Variants in COL19A1 observed in about 807,000 individuals in gnomAD.
The protein encoded by COL19A1 is collagen type XIX alpha 1 chain.
COL19A1 carries 159 observed loss-of-function variants against 190.2 expected under a neutral mutation model. That is an observed-to-expected ratio of 0.84 (90% confidence interval 0.73 to 0.95). The LOEUF (loss-of-function observed/expected upper bound fraction) is 0.95. Ranked by LOEUF, COL19A1 falls within the 40% of genes least tolerant of loss-of-function variation. The pLI, the probability that COL19A1 is intolerant of heterozygous loss-of-function variation, is 0.00. For missense variants in COL19A1, 1,418 were observed against 1,431.9 expected (o/e 0.99, Z 0.16); for synonymous variants, 509 against 458.9 (o/e 1.11, Z -1.39).
intron 11 of COL19A1, among the ~76,000 whole-genome samples, chr6:70,017,325 A>G (rs1042113623): frequency 2.6e-5 from 4 of 152,164 alleles, no homozygotes; most frequent in African/African-American, 4.8e-5. Flanking sequence ...TGGGACTACA[A>G]GAGTGAGAAG....
rs995588973 is a variant in COL19A1 at position 70,080,957 on chromosome 6, G to C, written c.1224+12481G>C. 8.5e-4 allele frequency among the ~76,000 whole-genome samples: 129 copies of C among 152,226 alleles called. 2 individuals carry two copies. The highest frequency in any genetic ancestry group is 8.8e-5 in the Non-Finnish European group (6 of 68,006). On this transcript the variant is annotated intron_variant, in intron 15 of 50. Coordinates refer to ENST00000620364, the MANE Select transcript of COL19A1 (RefSeq NM_001858.6). ...TGTGGTGTGTTTCTTTGCAGCTGTT[G>C]CCATAGAAATAAAGACCTTTTCAAA...
chr6:70,210,765 C>T lies in COL19A1; in HGVS notation c.*3491C>T, dbSNP rs1768143112. ...CAGTTTAGTGGACAACTAAATCAGA[C>T]TCTTGCCTTTGCACTTTTTTTTAAC... is the stretch of plus-strand genomic sequence containing the variant. On this transcript the variant is annotated 3_prime_UTR_variant, in exon 51 of 51. Coordinates refer to ENST00000620364, the MANE Select transcript of COL19A1 (RefSeq NM_001858.6). Among the ~76,000 whole-genome samples the T allele has an allele frequency of 6.6e-6, 1 of 152,110 alleles. No homozygotes were observed. Among genetic ancestry groups the T allele is most frequent in the Non-Finnish European group, 1.5e-5 (1 of 67,976 alleles).
intron 39 of COL19A1, 72 bp from the exon 40 acceptor site, chr6:70,168,583 A>G (rs1765309943): frequency 2.7e-6 from 4 of 1,498,222 alleles, no homozygotes; most frequent in South Asian, 1.2e-5. Flanking sequence ...GGCAAATTGG[A>G]CAACAGTGTT....
At chr6:70,060,801 A>G (rs1367712096) in intron 14 of COL19A1, among the ~76,000 whole-genome samples, 1 of 152,148 alleles carries the variant, frequency 6.6e-6, no homozygotes, top group Admixed American at 6.6e-5. Context: ...AAAAAAATAT[A>G]ATGTGCTTGA....
chr6:70,034,654 A>G (rs930807716), intron 13 of COL19A1, among the ~76,000 whole-genome samples: 5 of 152,220 alleles, frequency 3.3e-5, no homozygotes, highest in African/African-American at 1.2e-4. Flanking sequence ...GCTTTTGGAA[A>G]GAAGCTAGTT....
At chr6:70,154,648 C>T (rs906074851) in intron 31 of COL19A1, among the ~76,000 whole-genome samples, 5 of 152,088 alleles carry the variant, frequency 3.3e-5, no homozygotes, top group Admixed American at 6.6e-5. Flanking sequence ...GTCTGCAAGT[C>T]GAAGAGCAAG....
At chr6:69,945,575 C>A (rs962860090) in intron 9 of COL19A1, among the ~76,000 whole-genome samples, 1 of 151,970 alleles carries the variant, frequency 6.6e-6, no homozygotes, top group Non-Finnish European at 1.5e-5. Flanking sequence ...TAATATTATT[C>A]TTTTGACTTC....
At chr6:70,197,564 A>G (rs1375594788) in intron 48 of COL19A1, among the ~76,000 whole-genome samples, 2 of 152,210 alleles carry the variant, frequency 1.3e-5, no homozygotes, top group Admixed American at 6.5e-5. Context: ...TAAAGATATT[A>G]TATGTACATT....
chr6:69,962,889 A>G lies in COL19A1; in HGVS notation c.1026+19A>G, dbSNP rs778889081. On this transcript the variant is annotated intron_variant, in intron 11 of 50. Coordinates refer to ENST00000620364, the MANE Select transcript of COL19A1 (RefSeq NM_001858.6). ...TGAAAAGGTAAATATCTCTTTTTAC[A>G]TTCACATCTGTAAAAAGAAATTGTT... 9 of 1,587,102 alleles carry G rather than the reference A, an allele frequency of 5.7e-6. No homozygotes were observed. The highest frequency in any genetic ancestry group is 7.8e-6 in the Non-Finnish European group (9 of 1,161,246).
intron 15 of COL19A1, among the ~76,000 whole-genome samples, chr6:70,090,034 T>C (rs1474858936): frequency 6.6e-6 from 1 of 152,078 alleles, no homozygotes; most frequent in Non-Finnish European, 1.5e-5. Flanking sequence ...AACAATTTGC[T>C]AAGTATGGTG....
intron 16 of COL19A1, among the ~76,000 whole-genome samples, chr6:70,113,544 C>T (rs1455825484): frequency 1.3e-5 from 2 of 152,158 alleles, no homozygotes; most frequent in African/African-American, 4.8e-5. Flanking sequence ...ATTCCACCTC[C>T]TTTGACTATA....
chr6:70,197,030 A>G (rs187119287), intron 48 of COL19A1, among the ~76,000 whole-genome samples: 2 of 152,298 alleles, frequency 1.3e-5, no homozygotes, highest in Admixed American at 1.3e-4. Context: ...CCACCAAAGT[A>G]CTTCTAAACT....
In COL19A1 at chr6:70,035,904, G is replaced by A. The variant is rs1779328934; in HGVS notation, c.1135G>A (p.Gly379Arg). ...GTAGCTTTTCTTTAATCTATTTTAG[G>A]GAGATACAGGACCCCCAGGACCACC... The part of the protein sequence containing the change: ...HGPPGPKGEK[G>R]DTGPPGPPAL... The change falls in exon 14 of 51, where the codon GGA becomes AGA. Residue 379 changes from glycine to arginine, a missense_variant and splice_region_variant. Coordinates refer to ENST00000620364, the MANE Select transcript of COL19A1 (RefSeq NM_001858.6). 2 of 1,612,802 alleles carry A rather than the reference G, an allele frequency of 1.2e-6. No homozygotes were observed.
chr6:70,077,655 G>C (rs186031007), intron 15 of COL19A1, among the ~76,000 whole-genome samples: 1 of 151,544 alleles, frequency 6.6e-6, no homozygotes, highest in East Asian at 1.9e-4. Context: ...CAAATCACTA[G>C]ACAATGCACT....
intron 12 of COL19A1, among the ~76,000 whole-genome samples, chr6:70,029,731 A>G (rs915617706): frequency 2.6e-5 from 4 of 152,216 alleles, no homozygotes; most frequent in Non-Finnish European, 5.9e-5. Flanking sequence ...AATGGTCATA[A>G]AAGTAGAAGC....
chr6:69,959,891 G>A (rs2150043876), intron 9 of COL19A1, 105 bp from the exon 10 acceptor site: 1 of 938,566 alleles, frequency 1.1e-6, no homozygotes, highest in South Asian at 1.8e-5. Context: ...TCAGTATTAG[G>A]CTACCTTTCC....
In COL19A1 at chr6:69,990,507, T is replaced by C. The variant is rs1047609068; in HGVS notation, c.1026+27637T>C. On this transcript the variant is annotated intron_variant, in intron 11 of 50. Coordinates refer to ENST00000620364, the MANE Select transcript of COL19A1 (RefSeq NM_001858.6). ...GTTGGTTGCTGTGCTTTTGATGGTC[T>C]CTTGATCTATAATTTTCCTCCCCCT... Among the ~76,000 whole-genome samples the C allele has an allele frequency of 2.6e-5, 4 of 152,232 alleles. No individual in the cohort carries two copies. The East Asian group carries it at 5.8e-4, about 22-fold the overall frequency.
intron 24 of COL19A1, among the ~76,000 whole-genome samples, chr6:70,144,589 C>G (rs149411147): frequency 6.6e-6 from 1 of 152,126 alleles, no homozygotes; most frequent in Non-Finnish European, 1.5e-5. Context: ...AGTGCATTAA[C>G]GTTGAACCAT....
Position 69,891,821 on chromosome 6 carries a change from G to T in COL19A1, c.92-7127G>T, listed in dbSNP as rs572213107. Among the ~76,000 whole-genome samples the T allele has an allele frequency of 2.0e-5, 3 of 152,322 alleles. No individual in the cohort carries two copies. In the East Asian group the frequency reaches 5.8e-4, roughly 29 times the overall value. ...AGGAAGCTAGGGGTTGGCTTAATCA[G>T]CAGGAATCAGCCACACATGCTCACC... On this transcript the variant is annotated intron_variant, in intron 2 of 50. Transcript: ENST00000620364.
Sources: gnomAD v4.1 joint callset for allele counts (sites outside exome capture counted in the v4.1 genomes callset) on GRCh38, gnomAD v4.1.1 for gene constraint, MANE v1.5 for transcripts, NCBI Gene and HGNC (gene_info 2026-07-23, HGNC 2026-07-21) for gene names.